Variants in LILRA6 observed in about 807,000 individuals in gnomAD.
LILRA6 encodes leukocyte immunoglobulin-like receptor subfamily A member 6.
In LILRA6, 16 loss-of-function variants were observed where a neutral mutation model predicts 53.9. The ratio of observed to expected loss-of-function variants is 0.30; its 90% confidence interval spans 0.20 to 0.45. The LOEUF (loss-of-function observed/expected upper bound fraction) is 0.45, where lower values mean the gene tolerates loss of function less well. Among genes scored for constraint, LILRA6 ranks in the 20% least tolerant of loss-of-function variants. LILRA6 has a pLI of 1.00. For missense variants in LILRA6, 306 were observed against 618.6 expected, an observed-to-expected ratio of 0.49 and a Z score of 5.36; for synonymous variants, 135 against 256.4, an observed-to-expected ratio of 0.53 and a Z score of 4.52.
rs2078784618 is a variant in LILRA6 at position 54,242,208 on chromosome 19, T to C, written c.173A>G (p.Tyr58Cys). Residue 58 changes from tyrosine to cysteine, a missense_variant, in exon 3 of 8, where the codon TAC becomes TGC. Transcript: ENST00000396365. ...TGGGCTTCCCTCTTTATCCAGTCGG[T>C]ACTCCTGGGCCTCCAGGCTCCCCTG... 1.4e-6 allele frequency: 2 copies of C among 1,422,032 alleles called. 1 individual carries two copies. The highest frequency in any genetic ancestry group is 3.7e-5 in the Admixed American group (2 of 53,614). The allele number at this position is 1,422,032 out of a possible 1,614,324, so 88.1% of individuals were successfully genotyped here.
At chr19:54,237,533 T>A (rs540964597), downstream of LILRA6, 4 of 151,218 alleles carry the variant, frequency 2.6e-5, no homozygotes, top group South Asian at 8.3e-4. Flanking sequence ...CGAAGTGGAT[T>A]GAGGGTCACC....
rs75636206 is a variant in LILRA6, at chr19:54,241,890, A to G, written c.356-12T>C. 48 of 1,290,914 alleles carry G rather than the reference A, an allele frequency of 3.7e-5. 12 individuals are homozygous for G. Among genetic ancestry groups the G allele is most frequent in the Non-Finnish European group, 4.7e-5 (44 of 941,076 alleles). The allele number at this position is 1,290,914 out of a possible 1,614,324, so 80.0% of individuals were successfully genotyped here. On this transcript the variant is annotated splice_polypyrimidine_tract_variant and intron_variant, in intron 3 of 7. Coordinates refer to ENST00000396365, the Ensembl canonical transcript of LILRA6. ...TTTGCTATAGGCTCCTAGGAGAGAA[A>G]GAGGCACCATGTTAAATGGGGCTCC...
chr19:54,240,250 A>G (rs1488819615), intron 6 of LILRA6, 24 bp downstream of exon 6: 2 of 1,599,576 alleles, frequency 1.3e-6, no homozygotes, highest in African/African-American at 2.7e-5. Flanking sequence ...TTGAGCTCAG[A>G]GAGGACGGGG....
chr19:54,241,632 A>G (rs1052970), exon 4 of LILRA6: 19,729 of 1,456,434 alleles, frequency 0.014, 1,514 homozygotes, highest in African/African-American at 0.094. Flanking sequence ...GGGGGTGTTC[A>G]TATAATAGTA....
downstream of LILRA6, chr19:54,238,017 C>CTTTTTTTTTTTTTTT (rs11458700): frequency 7.0e-6 from 1 of 143,510 alleles, no homozygotes. Flanking sequence ...TGTGTCTCTT[C>CTTTTTTTTTTTTTTT]TTTTTTTTTT....
At chr19:54,240,941 G>A (rs1241984592) in exon 5 of LILRA6, 3 of 1,614,082 alleles carry the variant, frequency 1.9e-6, no homozygotes, top group Non-Finnish European at 2.5e-6. Flanking sequence ...AGGGCCCAGG[G>A]TGAAGTTGGC....
exon 5 of LILRA6, chr19:54,240,901 C>A (rs76127474): frequency 3.1e-6 from 5 of 1,613,832 alleles, no homozygotes; most frequent in Admixed American, 1.7e-5. Flanking sequence ...CACCATAGCA[C>A]CTGTACTGGC....
exon 1 of LILRA6, chr19:54,242,784 G>C: frequency 9.5e-7 from 1 of 1,052,128 alleles, no homozygotes; most frequent in Non-Finnish European, 1.3e-6. Context: ...GGGCTCTGCA[G>C]AGGGATGAGC....
Position 54,239,342 on chromosome 19 carries a change from G to A in LILRA6, c.1310-253C>T, listed in dbSNP as rs934016089. ...GCGTTCTTATTCTTCCAGGCCTCAT[G>A]ACGTGGCTTTTACGGAGTTCCTCAA... On this transcript the variant is annotated intron_variant, in intron 7 of 7. Coordinates refer to ENST00000396365, the Ensembl canonical transcript of LILRA6. 16 of 1,140,868 alleles carry A rather than the reference G, an allele frequency of 1.4e-5. 2 individuals are homozygous for A. The highest frequency in any genetic ancestry group is 2.9e-4 in the Middle Eastern group (1 of 3,398). The allele number at this position is 1,140,868 out of a possible 1,614,324, so 70.7% of individuals were successfully genotyped here. A position where few individuals can be genotyped will look rare whatever the true frequency, so the allele number is the denominator to read the frequency against.
At chr19:54,239,146 A>G (rs1460735017) in intron 7 of LILRA6, 57 bp from the exon 8 acceptor site, 1 of 1,603,310 alleles carries the variant, frequency 6.2e-7, no homozygotes, top group Non-Finnish European at 8.5e-7. Context: ...TTCACCCAGG[A>G]CCCCTGGATG....
exon 8 of LILRA6, chr19:54,238,828 C>A: frequency 6.8e-7 from 1 of 1,478,076 alleles, no homozygotes; most frequent in Non-Finnish European, 9.0e-7. Context: ...TTACCTTCCA[C>A]AGTGTGTGGC....
chr19:54,239,092 G>A lies in LILRA6; in HGVS notation c.1310-3C>T, dbSNP rs373983652. ...TGTGTAATCCTTGGCGTGTGAGGCT[G>A]GGGATGGTGGGCAAAGAGGTCACAG... On this transcript the variant is annotated splice_polypyrimidine_tract_variant and splice_region_variant and intron_variant, in intron 7 of 7. Coordinates refer to ENST00000396365, the Ensembl canonical transcript of LILRA6. 25 of 1,610,976 alleles carry A rather than the reference G, an allele frequency of 1.6e-5. 1 individual carries two copies. Among genetic ancestry groups the A allele is most frequent in the South Asian group, 1.3e-4 (12 of 90,942 alleles).
chr19:54,238,147 C>G (rs138098727), downstream of LILRA6: 1 of 150,462 alleles, frequency 6.6e-6, no homozygotes, highest in African/African-American at 2.5e-5. Context: ...AAGCAATTCT[C>G]CTGCCTCAGC....
chr19:54,240,761 A>C lies in LILRA6; in HGVS notation c.955+70T>G. 2.1e-5 allele frequency: 34 copies of C among 1,599,272 alleles called. No homozygotes were observed. In the South Asian group the frequency reaches 3.9e-4, roughly 18 times the overall value. On this transcript the variant is annotated intron_variant, in intron 5 of 7. Transcript: ENST00000396365. ...ACCCCCACCCCTCATCCCGGCCATC[A>C]CCACCTGGGCTCCCCCGGCAGGGCC...
downstream of LILRA6, chr19:54,237,623 T>A (rs887461011): frequency 2.0e-5 from 3 of 151,164 alleles, no homozygotes; most frequent in African/African-American, 7.4e-5. Flanking sequence ...CAGTATTTCC[T>A]GATGTGCAAG....
At chr19:54,240,929 A>T in exon 5 of LILRA6, 1 of 1,614,064 alleles carries the variant, frequency 6.2e-7, no homozygotes, top group Non-Finnish European at 8.5e-7. Flanking sequence ...GGAGGGGCTC[A>T]CAGGGCCCAG....
Position 54,241,700 on chromosome 19 carries a change from C to G in LILRA6, c.534G>C (p.Gln178His), listed in dbSNP as rs370896912. The change falls in exon 4 of 8, where the codon CAG becomes CAC. Residue 178 changes from glutamine to histidine, a missense_variant. By Grantham distance (24) the Gln-to-His change is conservative (BLOSUM62 0). Around this residue, in one of 9 missense-constraint regions of LILRA6, gnomAD observed 11 missense variants for 52.5 expected, o/e 0.21. Transcript: ENST00000396365. ...TCACGGGGCCCACAGGGAACAGGGC[C>G]TGGAACCCCCCACTGTGGAGCTGCT... 13 of 1,504,924 alleles carry G rather than the reference C, an allele frequency of 8.6e-6. 1 individual carries two copies. In the African/African-American group the frequency reaches 1.8e-4, roughly 20 times the overall value. The allele number at this position is 1,504,924 out of a possible 1,614,324, so 93.2% of individuals were successfully genotyped here.
downstream of LILRA6, chr19:54,237,735 A>G (rs1350406170): frequency 1.3e-5 from 2 of 150,830 alleles, no homozygotes; most frequent in Non-Finnish European, 2.9e-5. Context: ...CTTCATGTGC[A>G]CACCTTCTTT....
At chr19:54,239,176 C>T in intron 7 of LILRA6, 87 bp from the exon 8 acceptor site, 2 of 1,592,338 alleles carry the variant, frequency 1.3e-6, no homozygotes, top group Non-Finnish European at 1.7e-6. Context: ...GGGCACCCCC[C>T]ATCCGCCATT....
Sources: allele counts gnomAD v4.1 joint callset, GRCh38; gene constraint gnomAD v4.1.1; regional missense constraint gnomAD v4.1.1; transcripts MANE v1.5; gene names NCBI Gene and HGNC (gene_info 2026-07-23, HGNC 2026-07-21).